The following FAT3 variants were observed in gnomAD, a reference collection of about 807,000 sequenced individuals.
The protein encoded by FAT3 is FAT atypical cadherin 3.
In FAT3, 95 loss-of-function variants were observed where a neutral mutation model predicts 310.2. The ratio of observed to expected loss-of-function variants is 0.31; its 90% CI spans 0.26 to 0.36. FAT3 has a LOEUF of 0.36. Among genes scored for constraint, FAT3 ranks in the 10% least tolerant of loss-of-function variants. The pLI is 1.00. For synonymous variants in FAT3, 2,314 were observed against 2,192.9 expected, an observed-to-expected ratio of 1.06 and a Z score of -1.54; for missense variants, 5,408 against 5,715.6, an observed-to-expected ratio of 0.95 and a Z score of 1.74.
chr11:92,840,786 G>A (rs368768447), intron 18 of FAT3, 27 bp downstream of exon 18: 177 of 1,497,820 alleles, frequency 1.2e-4, no homozygotes, highest in South Asian at 1.0e-3. Flanking sequence ...TGTCTCCGTC[G>A]TGCTGTCTTT....
At chr11:92,733,105 A>T (rs1945236714) in intron 4 of FAT3, among the ~76,000 whole-genome samples, 1 of 152,310 alleles carries the variant, frequency 6.6e-6, no homozygotes, top group African/African-American at 2.4e-5. Flanking sequence ...AGACAGGGGC[A>T]GTGGTTACAC....
chr11:92,409,074 C>G (rs925747610), intron 2 of FAT3, among the ~76,000 whole-genome samples: 1 of 152,162 alleles, frequency 6.6e-6, no homozygotes, highest in Admixed American at 6.5e-5. Context: ...AAATAAGTCT[C>G]ATGAGGAAAG....
intron 1 of FAT3, among the ~76,000 whole-genome samples, chr11:92,265,108 A>G (rs1355859361): frequency 1.3e-5 from 2 of 151,970 alleles, no homozygotes; most frequent in African/African-American, 2.4e-5. Context: ...ATATTAGAGT[A>G]TCTTCTTCAG....
intron 2 of FAT3, among the ~76,000 whole-genome samples, chr11:92,426,203 T>C (rs1230081008): frequency 6.6e-6 from 1 of 152,252 alleles, no homozygotes; most frequent in Non-Finnish European, 1.5e-5. Context: ...TGTCTGTTAA[T>C]ATCCTTTGCC....
intron 3 of FAT3, among the ~76,000 whole-genome samples, chr11:92,589,790 A>G (rs760512868): frequency 1.1e-4 from 16 of 152,074 alleles, no homozygotes; most frequent in Non-Finnish European, 2.4e-4. Flanking sequence ...GGCTGTTCAT[A>G]TTGTGAGGCT....
chr11:92,795,478 G>T (rs1350834112), intron 9 of FAT3, among the ~76,000 whole-genome samples: 3 of 152,012 alleles, frequency 2.0e-5, no homozygotes, highest in Non-Finnish European at 4.4e-5. Flanking sequence ...GAATAAGCAG[G>T]AAGTGGATTC....
At chr11:92,508,974 A>T (rs1225965461) in intron 2 of FAT3, among the ~76,000 whole-genome samples, 2 of 152,186 alleles carry the variant, frequency 1.3e-5, no homozygotes, top group Non-Finnish European at 2.9e-5. Flanking sequence ...GACAAATTTT[A>T]ATTTAAATTA....
At chr11:92,226,714 G>A (rs926758512) in intron 1 of FAT3, among the ~76,000 whole-genome samples, 10 of 152,094 alleles carry the variant, frequency 6.6e-5, no homozygotes, top group Non-Finnish European at 1.3e-4. Context: ...TGGGCGGCCG[G>A]TGGCTCTGGC....
intron 2 of FAT3, among the ~76,000 whole-genome samples, chr11:92,489,121 C>T (rs192883700): frequency 8.4e-4 from 127 of 152,052 alleles, no homozygotes; most frequent in Admixed American, 2.0e-3. Flanking sequence ...CTCTCATAGA[C>T]GCATTTACTT....
rs1398912962 is a variant in FAT3, at chr11:92,834,908, T to C, written c.9910T>C (p.Cys3304Arg). The C allele has an allele frequency of 6.2e-7, 1 of 1,612,766 alleles. No homozygotes were observed. The highest frequency in any genetic ancestry group is 8.5e-7 in the Non-Finnish European group (1 of 1,179,394). ...SVSEVLDYEL[C>R]KRFYLVVEAK... ...CTCTGAAGTCCTGGACTATGAATTA[T>C]GCAAAAGGTTTTACCTGGTAGTGGA... The change falls in exon 15 of 28, where the codon TGC becomes CGC. Residue 3304 changes from cysteine to arginine, a missense_variant. Physicochemically the swap from Cys to Arg is radical, Grantham distance 180. Around this residue, in one of 5 missense-constraint regions of FAT3, gnomAD observed 4,588 missense variants for 4,809.8 expected, o/e 0.95. Coordinates refer to ENST00000525166, the MANE Select transcript of FAT3 (RefSeq NM_001367949.2).
At position 92,355,090 on chromosome 11, in the gene FAT3, G is replaced by A. The variant is rs539020470; in HGVS notation, c.2978G>A (p.Arg993His). 2.8e-4 allele frequency: 444 copies of A among 1,613,688 alleles called. 21 individuals are homozygous for A. The South Asian group carries it at 4.5e-3, about 16-fold the overall frequency. ...FEIDKASGAI[R>H]LSKELDYEKQ... Reference sequence around the variant, plus strand: ...ATAGATAAAGCAAGTGGTGCCATCCGCTTGAGCAAAGAGCTTGATTATGAG... The same window carrying A: ...ATAGATAAAGCAAGTGGTGCCATCCACTTGAGCAAAGAGCTTGATTATGAG... Residue 993 changes from arginine (R) to histidine (H), a missense_variant, in exon 2 of 28, where the codon CGC (arginine) becomes CAC (histidine). Around this residue, in one of 5 missense-constraint regions of FAT3, gnomAD observed 4,588 missense variants for 4,809.8 expected, o/e 0.95. Coordinates refer to ENST00000525166, the MANE Select transcript of FAT3 (RefSeq NM_001367949.2).
intron 1 of FAT3, among the ~76,000 whole-genome samples, chr11:92,236,816 A>G (rs556890196): frequency 1.3e-5 from 2 of 152,312 alleles, no homozygotes; most frequent in South Asian, 2.1e-4. Flanking sequence ...ATTTACTGAA[A>G]TGGGAAGATG....
At chr11:92,258,469 G>A (rs1865402995) in intron 1 of FAT3, among the ~76,000 whole-genome samples, 1 of 152,162 alleles carries the variant, frequency 6.6e-6, no homozygotes, top group Non-Finnish European at 1.5e-5. Context: ...AGAAGGAGAT[G>A]TTCCAACTGG....
intron 2 of FAT3, among the ~76,000 whole-genome samples, chr11:92,466,276 A>G (rs1951758437): frequency 6.6e-6 from 1 of 152,188 alleles, no homozygotes; most frequent in Non-Finnish European, 1.5e-5. Flanking sequence ...ATTGTAAATT[A>G]CTATCTGTAT....
chr11:92,752,626 C>A (rs1410228682), intron 4 of FAT3, among the ~76,000 whole-genome samples: 1 of 152,152 alleles, frequency 6.6e-6, no homozygotes, highest in Non-Finnish European at 1.5e-5. Context: ...CTTATACCTG[C>A]AAAAGGAAAC....
chr11:92,688,597 T>A (rs1591610212), intron 3 of FAT3, among the ~76,000 whole-genome samples: 3 of 152,244 alleles, frequency 2.0e-5, no homozygotes, highest in Non-Finnish European at 4.4e-5. Flanking sequence ...GACGTGAGTA[T>A]TTTTTAAAAC....
At position 92,734,613 on chromosome 11, in the gene FAT3, T is replaced by A. The variant is rs1030995974; in HGVS notation, c.3670-27243T>A. Among the ~76,000 whole-genome samples the A allele has an allele frequency of 1.4e-3, 214 of 152,236 alleles. 2 individuals carry two copies. On this transcript the variant is annotated intron_variant, in intron 4 of 27. Coordinates refer to ENST00000525166, the MANE Select transcript of FAT3 (RefSeq NM_001367949.2). Reference sequence around the variant, plus strand: ...CAATTAATTTGTTTTAAAAAAGCAATGCTCTTATTTGCTTGGAACACTATA... The same window carrying A: ...CAATTAATTTGTTTTAAAAAAGCAAAGCTCTTATTTGCTTGGAACACTATA...
In FAT3 at chr11:92,250,186, A is replaced by C. The variant is rs79745022; in HGVS notation, c.-18+25012A>C. 8.6e-3 allele frequency among the ~76,000 whole-genome samples: 1,304 copies of C among 152,182 alleles called. 8 individuals are homozygous for C. Among genetic ancestry groups the C allele is most frequent in the Non-Finnish European group, 0.013 (889 of 67,990 alleles). Reference sequence around the variant, plus strand: ...GTTTACAGATACGAAGTGGTACATAAATTCTGCAAGGATATTTTTCTATTT... The same window carrying C: ...GTTTACAGATACGAAGTGGTACATACATTCTGCAAGGATATTTTTCTATTT... On this transcript the variant is annotated intron_variant, in intron 1 of 27. Coordinates refer to ENST00000525166, the MANE Select transcript of FAT3 (RefSeq NM_001367949.2).
chr11:92,792,025 G>A (rs1947053185), intron 8 of FAT3, among the ~76,000 whole-genome samples: 1 of 152,090 alleles, frequency 6.6e-6, no homozygotes, highest in Non-Finnish European at 1.5e-5. Context: ...TCAGCTCTAG[G>A]CTTTTGTATA....
Sources: gnomAD v4.1 joint callset for allele counts (sites outside exome capture counted in the v4.1 genomes callset) on GRCh38, gnomAD v4.1.1 for gene constraint, gnomAD v4.1.1 regional missense constraint, MANE v1.5 for transcripts, NCBI Gene and HGNC (gene_info 2026-07-23, HGNC 2026-07-21) for gene names.